DNAH11: variants seen among roughly 807,000 people sequenced by gnomAD.
The protein encoded by DNAH11 is axonemal beta dynein heavy chain 11.
In DNAH11, 442 loss-of-function variants were observed where a neutral mutation model predicts 526.0. The ratio of observed to expected loss-of-function variants is 0.84; its 90% CI spans 0.78 to 0.91. The LOEUF (loss-of-function observed/expected upper bound fraction) is 0.91, where lower values mean the gene tolerates loss of function less well. Among genes scored for constraint, DNAH11 ranks in the 40% least tolerant of loss-of-function variants. DNAH11 has a pLI of 0.00. For missense variants in DNAH11, 6,989 were observed against 5,448.7 expected (o/e 1.28, Z -8.90); for synonymous variants, 2,461 against 1,935.9 (o/e 1.27, Z -7.12).
At chr7:21,864,008 C>T (rs535347667) in intron 69 of DNAH11, among the ~76,000 whole-genome samples, 1 of 152,276 alleles carries the variant, frequency 6.6e-6, no homozygotes, top group Non-Finnish European at 1.5e-5. Flanking sequence ...ACCAGAATGT[C>T]TAAAGTTTAT....
chr7:21,850,453 A>G (rs144927706), intron 66 of DNAH11, among the ~76,000 whole-genome samples: 6 of 151,444 alleles, frequency 4.0e-5, no homozygotes, highest in East Asian at 3.9e-4. Context: ...TTGAGTTTCT[A>G]TCTCTACTTA....
chr7:21,817,273 C>A (rs1164168216), intron 64 of DNAH11, among the ~76,000 whole-genome samples: 1 of 152,064 alleles, frequency 6.6e-6, no homozygotes, highest in Non-Finnish European at 1.5e-5. Flanking sequence ...TATGCAGTTG[C>A]TATTCAGTTA....
intron 55 of DNAH11, among the ~76,000 whole-genome samples, chr7:21,767,588 A>C (rs991699557): frequency 2.6e-5 from 4 of 152,182 alleles, no homozygotes; most frequent in African/African-American, 9.7e-5. Context: ...TTTTAAAAAC[A>C]CTTTCCCATT....
intron 63 of DNAH11, among the ~76,000 whole-genome samples, chr7:21,816,245 G>C (rs564560864): frequency 2.6e-5 from 4 of 152,252 alleles, no homozygotes; most frequent in Admixed American, 2.6e-4. Flanking sequence ...TGATAAAACC[G>C]ATGTTGAATC....
chr7:21,673,159 C>T (rs6973998), intron 30 of DNAH11, among the ~76,000 whole-genome samples: 5,295 of 152,188 alleles, frequency 0.035, 294 homozygotes, highest in African/African-American at 0.12. Context: ...TCTCTACTTA[C>T]CACAATCATT....
At position 21,658,845 on chromosome 7, in the gene DNAH11, G is replaced by A. The variant is rs1020114265; in HGVS notation, c.5142G>A (p.Val1714=). The change falls in exon 30 of 82, where the codon GTG becomes GTA. Residue 1714 remains valine, a synonymous_variant. Coordinates refer to ENST00000409508, the MANE Select transcript of DNAH11 (RefSeq NM_001277115.2). ...TTGAACAGACTATGCAAGAAACGGTGCGTCATTCTATAACAGAAGCCATAG... is the reference window on the plus strand; with the variant it reads ...TTGAACAGACTATGCAAGAAACGGTACGTCATTCTATAACAGAAGCCATAG... ...LQLEQTMQET[V]RHSITEAIVA... 2 of 1,603,576 alleles carry A rather than the reference G, an allele frequency of 1.2e-6. No individual in the cohort carries two copies. The highest frequency in any genetic ancestry group is 1.7e-6 in the Non-Finnish European group (2 of 1,175,154).
chr7:21,585,679 A>C (rs1046673140), intron 9 of DNAH11, among the ~76,000 whole-genome samples: 1 of 152,228 alleles, frequency 6.6e-6, no homozygotes, highest in Non-Finnish European at 1.5e-5. Flanking sequence ...CAGCTTTGAA[A>C]AGTATTAAAA....
intron 70 of DNAH11, among the ~76,000 whole-genome samples, chr7:21,864,915 T>C (rs571535686): frequency 1.3e-5 from 2 of 152,356 alleles, no homozygotes; most frequent in African/African-American, 4.8e-5. Context: ...GGACCTTTGA[T>C]AAAAGCCAAG....
intron 14 of DNAH11, among the ~76,000 whole-genome samples, chr7:21,592,296 GC>G (rs1263580810): frequency 7.2e-5 from 11 of 152,188 alleles, no homozygotes; most frequent in Non-Finnish European, 1.6e-4. Context: ...GGTTGGGCAG[GC>G]CTCTTTCCTA....
intron 20 of DNAH11, among the ~76,000 whole-genome samples, chr7:21,608,208 T>C (rs562511619): frequency 6.6e-6 from 1 of 152,318 alleles, no homozygotes; most frequent in African/African-American, 2.4e-5. Flanking sequence ...AACTGTACTT[T>C]ATTATAGTTG....
rs1784807172 is a variant in DNAH11 at position 21,901,182 on chromosome 7, C to CTTCAGGCTGA, written c.13480_13489dup (p.Lys4497IlefsTer26). ...TGAGAGGCCCCAGCTACATCTGGAC[C>CTTCAGGCTGA]TTCAGGCTGAAGAGCGAAGAGAAGA... is the stretch of plus-strand genomic sequence containing the variant. On this transcript the variant is annotated frameshift_variant, in exon 82 of 82. Coordinates refer to ENST00000409508, the MANE Select transcript of DNAH11 (RefSeq NM_001277115.2). LOFTEE classifies it high-confidence loss of function. 1 of 1,613,004 alleles carries CTTCAGGCTGA rather than the reference C, an allele frequency of 6.2e-7. No individual in the cohort carries two copies. The highest frequency in any genetic ancestry group is 8.5e-7 in the Non-Finnish European group (1 of 1,179,504).
chr7:21,815,576 G>C (rs1300315475), intron 63 of DNAH11, among the ~76,000 whole-genome samples: 3 of 152,018 alleles, frequency 2.0e-5, no homozygotes, highest in Non-Finnish European at 4.4e-5. Context: ...CTACAGGTAG[G>C]GTTCTTACTA....
intron 65 of DNAH11, among the ~76,000 whole-genome samples, chr7:21,830,210 A>G (rs1329449555): frequency 6.6e-6 from 1 of 152,200 alleles, no homozygotes; most frequent in South Asian, 2.1e-4. Flanking sequence ...CACTTAATAC[A>G]TTTTCTTTCC....
At chr7:21,633,123 A>G (rs1786694202) in intron 25 of DNAH11, among the ~76,000 whole-genome samples, 1 of 152,216 alleles carries the variant, frequency 6.6e-6, no homozygotes, top group Non-Finnish European at 1.5e-5. Context: ...TGTATGGGAA[A>G]GACCTGCCCC....
chr7:21,837,314 C>G (rs377740446), intron 65 of DNAH11, among the ~76,000 whole-genome samples: 4 of 152,188 alleles, frequency 2.6e-5, no homozygotes, highest in African/African-American at 9.6e-5. Flanking sequence ...TTCACATTAG[C>G]CAAGATCTGG....
In DNAH11 at chr7:21,801,206, CAAG is replaced by C; in HGVS notation, c.10101_10103del (p.Glu3368del). 1 of 1,613,544 alleles carries C rather than the reference CAAG, an allele frequency of 6.2e-7. No homozygotes were observed. The highest frequency in any genetic ancestry group is 8.5e-7 in the Non-Finnish European group (1 of 1,179,722). Reference sequence around the variant, plus strand: ...AGCAACAGCTGAGAAAGTCCGGTGTCAAGAAGAGGTGAACCAAACCAACAAAAC... The same window carrying C: ...AGCAACAGCTGAGAAAGTCCGGTGTCAAGAGGTGAACCAAACCAACAAAAC... On this transcript the variant is annotated inframe_deletion, in exon 62 of 82. Coordinates refer to ENST00000409508, the MANE Select transcript of DNAH11 (RefSeq NM_001277115.2).
At chr7:21,731,218 T>C (rs1008400785) in intron 45 of DNAH11, among the ~76,000 whole-genome samples, 2 of 152,202 alleles carry the variant, frequency 1.3e-5, no homozygotes, top group Non-Finnish European at 2.9e-5. Context: ...ATATACATAT[T>C]TCAAAACATC....
rs756348275 is a variant in DNAH11, at chr7:21,713,161, G to A, written c.6983+1301G>A. Among the ~76,000 whole-genome samples, 253 of 152,186 alleles carry A rather than the reference G, an allele frequency of 1.7e-3. 1 individual carries two copies. Among genetic ancestry groups the A allele is most frequent in the Non-Finnish European group, 1.2e-3 (85 of 68,010 alleles). Reference sequence around the variant, plus strand: ...TTGTCACCTCCAGCGTTTGCACTTCGAACTGTAGGAGTCACTGAGCTCTGC... The same window carrying A: ...TTGTCACCTCCAGCGTTTGCACTTCAAACTGTAGGAGTCACTGAGCTCTGC... On this transcript the variant is annotated intron_variant, in intron 42 of 81. Coordinates refer to ENST00000409508, the MANE Select transcript of DNAH11 (RefSeq NM_001277115.2).
chr7:21,894,417 C>G (rs1277684034), intron 77 of DNAH11, among the ~76,000 whole-genome samples: 4 of 152,228 alleles, frequency 2.6e-5, no homozygotes, highest in Admixed American at 1.3e-4. Flanking sequence ...GGCACTGGTA[C>G]AGAGGCACCA....
Sources: allele counts gnomAD v4.1 joint callset (sites outside exome capture counted in the v4.1 genomes callset), GRCh38; gene constraint gnomAD v4.1.1; transcripts MANE v1.5; gene names NCBI Gene and HGNC (gene_info 2026-07-23, HGNC 2026-07-21).